FTO: variants seen among roughly 807,000 people sequenced by gnomAD.
FTO encodes the protein FTO alpha-ketoglutarate dependent dioxygenase.
FTO carries 47 observed loss-of-function variants against 63.9 expected under a neutral mutation model. That is an observed-to-expected ratio of 0.74 (90% CI 0.58 to 0.94). The LOEUF (loss-of-function observed/expected upper bound fraction) is 0.94. FTO is among the 40% of genes least tolerant of loss of function. The pLI is 0.00. For missense variants in FTO, 562 were observed against 618.1 expected (o/e 0.91, Z 0.96); for synonymous variants, 207 against 224.4 (o/e 0.92, Z 0.69).
At chr16:53,799,134 G>A (rs1453983210) in intron 1 of FTO, among the ~76,000 whole-genome samples, 1 of 152,012 alleles carries the variant, frequency 6.6e-6, no homozygotes, top group East Asian at 1.9e-4. Context: ...CTAACATTTT[G>A]TTAATACTTT....
At chr16:53,802,156 T>C (rs2078245455) in intron 1 of FTO, among the ~76,000 whole-genome samples, 1 of 152,198 alleles carries the variant, frequency 6.6e-6, no homozygotes, top group African/African-American at 2.4e-5. Context: ...CCTGCAAATA[T>C]AAAAATTCAT....
intron 1 of FTO, among the ~76,000 whole-genome samples, chr16:53,778,545 A>G (rs1348465886): frequency 6.6e-6 from 1 of 152,216 alleles, no homozygotes; most frequent in Non-Finnish European, 1.5e-5. Context: ...TGAAAATAGT[A>G]TTGATCTTGT....
At chr16:53,872,555 C>T (rs1303755021) in intron 4 of FTO, among the ~76,000 whole-genome samples, 1 of 152,198 alleles carries the variant, frequency 6.6e-6, no homozygotes, top group Non-Finnish European at 1.5e-5. Flanking sequence ...TGTTTCTCTT[C>T]TCCATGGGAT....
At chr16:53,763,631 A>G (rs2077123641) in intron 1 of FTO, among the ~76,000 whole-genome samples, 2 of 152,190 alleles carry the variant, frequency 1.3e-5, no homozygotes, top group Non-Finnish European at 2.9e-5. Context: ...TAGTGACCTA[A>G]ATTGGCAAGT....
intron 1 of FTO, among the ~76,000 whole-genome samples, chr16:53,730,195 G>A (rs1451532607): frequency 6.6e-6 from 1 of 152,028 alleles, no homozygotes; most frequent in Non-Finnish European, 1.5e-5. Flanking sequence ...ATATCATATT[G>A]AAAGGAGAGT....
At chr16:53,736,378 C>G (rs1029637169) in intron 1 of FTO, among the ~76,000 whole-genome samples, 8 of 151,682 alleles carry the variant, frequency 5.3e-5, no homozygotes, top group Non-Finnish European at 1.0e-4. Flanking sequence ...AAAGCTCCAC[C>G]ATCAATCTGT....
At chr16:53,757,196 A>G (rs1567959880) in intron 1 of FTO, among the ~76,000 whole-genome samples, 1 of 152,204 alleles carries the variant, frequency 6.6e-6, no homozygotes, top group Non-Finnish European at 1.5e-5. Flanking sequence ...CCTAATTAAC[A>G]TATGCATTAT....
intron 1 of FTO, among the ~76,000 whole-genome samples, chr16:53,787,575 ATTG>A (rs1016265217): frequency 6.6e-6 from 1 of 152,180 alleles, no homozygotes; most frequent in Non-Finnish European, 1.5e-5. Flanking sequence ...TTTCAAAGGA[ATTG>A]TTGTCAGTAG....
intron 1 of FTO, among the ~76,000 whole-genome samples, chr16:53,725,549 CAT>C (rs2076133859): frequency 6.6e-6 from 1 of 152,170 alleles, no homozygotes; most frequent in Non-Finnish European, 1.5e-5. Flanking sequence ...GCTACATGCT[CAT>C]ATAGTACTTA....
intron 1 of FTO, among the ~76,000 whole-genome samples, chr16:53,794,921 C>T (rs2078021673): frequency 6.6e-6 from 1 of 151,896 alleles, no homozygotes; most frequent in Non-Finnish European, 1.5e-5. Flanking sequence ...AAATAAATAC[C>T]AAGAAAGATA....
intron 1 of FTO, among the ~76,000 whole-genome samples, chr16:53,730,469 A>AT (rs374414341): frequency 6.6e-6 from 1 of 150,808 alleles, no homozygotes; most frequent in Non-Finnish European, 1.5e-5. Context: ...CATTGTCATG[A>AT]TTTTTTTTGT....
chr16:53,859,696 A>G (rs1015564476), intron 4 of FTO, among the ~76,000 whole-genome samples: 4 of 152,148 alleles, frequency 2.6e-5, no homozygotes, highest in Admixed American at 1.3e-4. Flanking sequence ...TGTGCTCAAC[A>G]TCTAGTCATC....
In FTO at chr16:54,116,777, T is replaced by G. The variant is rs1171629480; in HGVS notation, c.*4862T>G. The G allele has an allele frequency of 1.3e-5, 2 of 152,040 alleles. No individual in the cohort carries two copies. Among genetic ancestry groups the G allele is most frequent in the African/African-American group, 4.8e-5 (2 of 41,378 alleles). The allele number at this position is 152,040 out of a possible 1,614,324, so 9.4% of individuals were successfully genotyped here. Reference sequence around the variant, plus strand: ...AGACACCCGATAGATTCCTGGAAACTCCAGGAAAGTATCTGAAGATCTGGT... The same window carrying G: ...AGACACCCGATAGATTCCTGGAAACGCCAGGAAAGTATCTGAAGATCTGGT... On this transcript the variant is annotated 3_prime_UTR_variant, in exon 9 of 9. Coordinates refer to ENST00000471389, the MANE Select transcript of FTO (RefSeq NM_001080432.3).
At chr16:53,941,298 G>T (rs1266168916) in intron 8 of FTO, among the ~76,000 whole-genome samples, 1 of 152,194 alleles carries the variant, frequency 6.6e-6, no homozygotes, top group Non-Finnish European at 1.5e-5. Context: ...CTTTAATGTG[G>T]AGGTGGTAGT....
At chr16:54,091,236 T>C (rs905071620) in intron 8 of FTO, among the ~76,000 whole-genome samples, 15 of 151,994 alleles carry the variant, frequency 9.9e-5, no homozygotes, top group Admixed American at 7.9e-4. Context: ...ACAGATAATA[T>C]CTAAAATTAA....
At chr16:54,029,025 C>T (rs1567527071) in intron 8 of FTO, among the ~76,000 whole-genome samples, 1 of 152,126 alleles carries the variant, frequency 6.6e-6, no homozygotes, top group East Asian at 1.9e-4. Context: ...TTAGTAATTG[C>T]TTGACAGTAT....
intron 8 of FTO, among the ~76,000 whole-genome samples, chr16:54,023,170 A>C (rs1211271188): frequency 6.6e-6 from 1 of 152,234 alleles, no homozygotes; most frequent in Non-Finnish European, 1.5e-5. Flanking sequence ...GCAATTACGC[A>C]TCTTCTGTAA....
intron 1 of FTO, among the ~76,000 whole-genome samples, chr16:53,782,405 G>A (rs914227690): frequency 5.3e-5 from 8 of 152,182 alleles, no homozygotes; most frequent in South Asian, 2.1e-4. Context: ...AAACTGTAGA[G>A]ATGGACTCAT....
chr16:53,828,638 T>G (rs2079071068), intron 3 of FTO, among the ~76,000 whole-genome samples: 1 of 152,228 alleles, frequency 6.6e-6, no homozygotes, highest in Non-Finnish European at 1.5e-5. Flanking sequence ...CATTAACTCA[T>G]TTTGTCTTCC....
Sources: allele counts gnomAD v4.1 joint callset (sites outside exome capture counted in the v4.1 genomes callset), GRCh38; gene constraint gnomAD v4.1.1; transcripts MANE v1.5; gene names NCBI Gene and HGNC (gene_info 2026-07-23, HGNC 2026-07-21).